ZNF804B: variants seen among roughly 807,000 people sequenced by gnomAD.
ZNF804B encodes zinc finger 804B.
A neutral mutation model predicts 101.4 loss-of-function variants in ZNF804B; 80 were observed. That is an observed-to-expected ratio of 0.79 (90% CI 0.66 to 0.95). The LOEUF is 0.95. Among genes scored for constraint, ZNF804B ranks in the 40% least tolerant of loss-of-function variants. The probability of loss-of-function intolerance (pLI) is 0.00; values close to 1 mark genes in which losing one functional copy is unlikely to be tolerated. For synonymous variants in ZNF804B, 622 were observed against 558.8 expected (o/e 1.11, Z -1.59); for missense variants, 1,673 against 1,561.9 (o/e 1.07, Z -1.20).
intron 2 of ZNF804B, among the ~76,000 whole-genome samples, chr7:89,313,998 C>A (rs992787746): frequency 6.6e-6 from 1 of 152,056 alleles, no homozygotes; most frequent in African/African-American, 2.4e-5. Context: ...CTTTACATAC[C>A]TCTATTTCCC....
intron 1 of ZNF804B, among the ~76,000 whole-genome samples, chr7:89,149,252 A>G (rs1790834871): frequency 6.6e-6 from 1 of 152,126 alleles, no homozygotes; most frequent in Non-Finnish European, 1.5e-5. Context: ...AACAAGCACA[A>G]AAGAACAGAA....
At chr7:88,972,819 A>G (rs937509621) in intron 1 of ZNF804B, among the ~76,000 whole-genome samples, 21 of 151,494 alleles carry the variant, frequency 1.4e-4, no homozygotes, top group Middle Eastern at 3.4e-3. Context: ...TAAGTCAAAA[A>G]TAGAAGATGT....
chr7:88,874,003 G>A (rs1051384277), intron 1 of ZNF804B, among the ~76,000 whole-genome samples: 3 of 152,236 alleles, frequency 2.0e-5, no homozygotes, highest in East Asian at 3.9e-4. Context: ...CCAGTTCTGG[G>A]AAGAAAGTCT....
intron 1 of ZNF804B, among the ~76,000 whole-genome samples, chr7:89,017,119 A>C (rs1788578319): frequency 6.6e-6 from 1 of 152,194 alleles, no homozygotes; most frequent in South Asian, 2.1e-4. Flanking sequence ...GAGTTCACTC[A>C]TGATTTGGCT....
chr7:89,059,355 T>C (rs1221948474), intron 1 of ZNF804B, among the ~76,000 whole-genome samples: 1 of 152,184 alleles, frequency 6.6e-6, no homozygotes, highest in African/African-American at 2.4e-5. Context: ...CGTGGGCCTC[T>C]ACTTCTGGTG....
chr7:88,897,612 C>T (rs911855095), intron 1 of ZNF804B, among the ~76,000 whole-genome samples: 1 of 152,124 alleles, frequency 6.6e-6, no homozygotes. Context: ...GATTGGAACT[C>T]GGATTCCTCA....
chr7:89,081,706 A>G (rs1789700741), intron 1 of ZNF804B, among the ~76,000 whole-genome samples: 1 of 151,736 alleles, frequency 6.6e-6, no homozygotes, highest in Admixed American at 6.6e-5. Context: ...CCCCTTCACT[A>G]TTTTAAAATC....
intron 1 of ZNF804B, among the ~76,000 whole-genome samples, chr7:89,183,790 A>G (rs1023291019): frequency 1.3e-5 from 2 of 152,236 alleles, no homozygotes; most frequent in Admixed American, 6.5e-5. Flanking sequence ...GTCTGTCTGC[A>G]CATTCACGTC....
intron 1 of ZNF804B, among the ~76,000 whole-genome samples, chr7:88,875,883 T>C (rs1363973679): frequency 6.6e-6 from 1 of 152,164 alleles, no homozygotes; most frequent in East Asian, 1.9e-4. Flanking sequence ...ACCAATATCC[T>C]TGATGAACAT....
chr7:89,334,590 A>G lies in ZNF804B; in HGVS notation c.1608A>G (p.Pro536=). Residue 536 remains proline, a synonymous_variant, in exon 4 of 4, where the codon CCA becomes CCG. Transcript: ENST00000333190. ...LIQEDYQYPK[P]KTMIANPDWE... ...AAGAAGATTATCAATATCCGAAACC[A>G]AAGACGATGATAGCTAATCCGGATT... The G allele has an allele frequency of 6.2e-7, 1 of 1,613,760 alleles. No homozygotes were observed. Among genetic ancestry groups the G allele is most frequent in the South Asian group, 1.1e-5 (1 of 91,068 alleles).
At chr7:89,033,813 T>G (rs1481183255) in intron 1 of ZNF804B, among the ~76,000 whole-genome samples, 1 of 152,084 alleles carries the variant, frequency 6.6e-6, no homozygotes, top group East Asian at 1.9e-4. Context: ...TGAAAATTTA[T>G]TAATAAATAG....
In ZNF804B at chr7:89,037,629, G is replaced by A. The variant is rs145370710; in HGVS notation, c.109-180526G>A. Among the ~76,000 whole-genome samples the A allele has an allele frequency of 9.0e-3, 1,364 of 151,362 alleles. 14 individuals are homozygous for A. The highest frequency in any genetic ancestry group is 0.031 in the African/African-American group (1,280 of 41,168). The stretch of plus-strand genomic sequence containing the variant: ...GATCAAGCTAATTATTGTATCCATT[G>A]CCTCACACAGTTATCAGTTTTTGTG... On this transcript the variant is annotated intron_variant, in intron 1 of 3. Transcript: ENST00000333190.
At chr7:89,005,572 T>C (rs1414450732) in intron 1 of ZNF804B, among the ~76,000 whole-genome samples, 1 of 152,118 alleles carries the variant, frequency 6.6e-6, no homozygotes, top group Non-Finnish European at 1.5e-5. Context: ...GAGGTAAAAT[T>C]ATTCTGTTAT....
intron 1 of ZNF804B, among the ~76,000 whole-genome samples, chr7:89,117,652 T>C (rs1790331401): frequency 6.6e-6 from 1 of 152,208 alleles, no homozygotes; most frequent in Non-Finnish European, 1.5e-5. Flanking sequence ...ATAATGTTGA[T>C]GCTATATTGA....
At chr7:89,065,866 T>C (rs918370338) in intron 1 of ZNF804B, among the ~76,000 whole-genome samples, 3 of 152,162 alleles carry the variant, frequency 2.0e-5, no homozygotes, top group Non-Finnish European at 2.9e-5. Flanking sequence ...ACAACTTCCT[T>C]ATGCCCATCT....
At chr7:88,848,847 T>C (rs970470865) in intron 1 of ZNF804B, among the ~76,000 whole-genome samples, 2 of 151,994 alleles carry the variant, frequency 1.3e-5, no homozygotes, top group Non-Finnish European at 2.9e-5. Context: ...GACAAAGAGA[T>C]TTGGATACTA....
At chr7:88,845,475 T>C (rs1235776989) in intron 1 of ZNF804B, among the ~76,000 whole-genome samples, 1 of 152,106 alleles carries the variant, frequency 6.6e-6, no homozygotes, top group Non-Finnish European at 1.5e-5. Flanking sequence ...GGACAATGGG[T>C]AACCATGTAT....
intron 1 of ZNF804B, among the ~76,000 whole-genome samples, chr7:88,916,638 A>G (rs1206979133): frequency 1.3e-5 from 2 of 152,160 alleles, no homozygotes; most frequent in Admixed American, 6.5e-5. Context: ...TGCTTATTTA[A>G]TATATACAAG....
chr7:88,942,771 T>G (rs1261412672), intron 1 of ZNF804B, among the ~76,000 whole-genome samples: 6 of 151,824 alleles, frequency 4.0e-5, no homozygotes, highest in Admixed American at 3.9e-4. Context: ...TGTGTGTTGG[T>G]TCTTCTTGGC....
Sources: gnomAD v4.1 joint callset for allele counts (sites outside exome capture counted in the v4.1 genomes callset) on GRCh38, gnomAD v4.1.1 for gene constraint, MANE v1.5 for transcripts, NCBI Gene and HGNC (gene_info 2026-07-23, HGNC 2026-07-21) for gene names.